The following DNM3 variants were observed in gnomAD, a reference collection of about 807,000 sequenced individuals.
DNM3 encodes dynamin-3.
A neutral mutation model predicts 101.6 loss-of-function variants in DNM3; 47 were observed. The ratio of observed to expected loss-of-function variants is 0.46; its 90% CI spans 0.37 to 0.59. The LOEUF (loss-of-function observed/expected upper bound fraction) is 0.59. DNM3 is among the 20% of genes least tolerant of loss of function. DNM3 has a pLI of 0.00. For synonymous variants in DNM3, 385 were observed against 387.9 expected, an observed-to-expected ratio of 0.99 and a Z score of 0.09; for missense variants, 849 against 1,085.7, an observed-to-expected ratio of 0.78 and a Z score of 3.06.
chr1:172,360,860 A>G (rs1284359866), intron 17 of DNM3, among the ~76,000 whole-genome samples: 2 of 152,024 alleles, frequency 1.3e-5, no homozygotes, highest in African/African-American at 4.8e-5. Context: ...TTTAGGGCAA[A>G]TGAAAGGAAA....
chr1:172,275,671 T>C (rs1398662969), intron 15 of DNM3, among the ~76,000 whole-genome samples: 1 of 148,366 alleles, frequency 6.7e-6, no homozygotes, highest in African/African-American at 2.6e-5. Context: ...GAAACACACA[T>C]AGTGTACTCA....
At chr1:172,224,838 G>A (rs1557841896) in intron 14 of DNM3, among the ~76,000 whole-genome samples, 1 of 152,170 alleles carries the variant, frequency 6.6e-6, no homozygotes, top group Admixed American at 6.5e-5. Flanking sequence ...CTTGGTTAAA[G>A]CAGGGTGCGA....
chr1:172,261,725 G>T (rs1018750532), intron 15 of DNM3, among the ~76,000 whole-genome samples: 6 of 152,244 alleles, frequency 3.9e-5, no homozygotes, highest in Non-Finnish European at 8.8e-5. Context: ...GTGGCTGCAA[G>T]AGGTTGGGTG....
intron 17 of DNM3, among the ~76,000 whole-genome samples, chr1:172,337,876 A>AT (rs1220343304): frequency 7.8e-5 from 7 of 89,586 alleles, no homozygotes; most frequent in African/African-American, 5.6e-4. Context: ...TTTTTATTTT[A>AT]TTTTATTTTA....
At chr1:171,915,528 T>C (rs1015146802) in intron 1 of DNM3, among the ~76,000 whole-genome samples, 1 of 152,196 alleles carries the variant, frequency 6.6e-6, no homozygotes, top group Non-Finnish European at 1.5e-5. Flanking sequence ...GGAGGATGGA[T>C]GATTCCCAGG....
At chr1:172,066,876 T>C (rs898108426) in intron 10 of DNM3, among the ~76,000 whole-genome samples, 2 of 152,186 alleles carry the variant, frequency 1.3e-5, no homozygotes, top group African/African-American at 4.8e-5. Flanking sequence ...ACTAATGCTG[T>C]GATGAATGTC....
At chr1:172,083,255 C>T (rs2053287237) in intron 12 of DNM3, among the ~76,000 whole-genome samples, 1 of 152,008 alleles carries the variant, frequency 6.6e-6, no homozygotes, top group South Asian at 2.1e-4. Flanking sequence ...GTGCCAAGCT[C>T]TACTCTAGTT....
downstream of DNM3, chr1:172,415,434 C>G (rs1686694622): frequency 6.6e-6 from 1 of 151,982 alleles, no homozygotes; most frequent in African/African-American, 2.4e-5. Flanking sequence ...TCTTTCCTCC[C>G]TTTCCCAAGC....
intron 14 of DNM3, chr1:172,133,155 G>A: frequency 2.2e-6 from 3 of 1,348,346 alleles, no homozygotes; most frequent in Non-Finnish European, 2.8e-6. Flanking sequence ...AGCTACTGCT[G>A]TTGGAGTGTG....
intron 1 of DNM3, among the ~76,000 whole-genome samples, chr1:171,844,872 C>T (rs928631320): frequency 7.2e-5 from 11 of 152,184 alleles, no homozygotes; most frequent in East Asian, 5.8e-4. Flanking sequence ...TTTCATTATA[C>T]GTATACATAT....
At chr1:172,160,738 A>C (rs140069549) in intron 14 of DNM3, among the ~76,000 whole-genome samples, 10 of 152,230 alleles carry the variant, frequency 6.6e-5, no homozygotes, top group African/African-American at 2.4e-4. Context: ...GTAAATATAC[A>C]ATTCAATAGC....
intron 1 of DNM3, among the ~76,000 whole-genome samples, chr1:171,842,097 G>A (rs911342519): frequency 3.3e-5 from 5 of 152,110 alleles, no homozygotes; most frequent in Non-Finnish European, 7.4e-5. Context: ...TCCTCCAGTC[G>A]GGGAGTCGGG....
At position 171,997,573 on chromosome 1, in the gene DNM3, C is replaced by G. The variant is rs547429322; in HGVS notation, c.589+8425C>G. On this transcript the variant is annotated intron_variant, in intron 4 of 20. Coordinates refer to ENST00000627582, the MANE Select transcript of DNM3 (RefSeq NM_015569.5). ...TTTGTTTATTTATTTATTGGCACCC[C>G]AGATGGGACAGGAACCATTCAGCTA... Among the ~76,000 whole-genome samples the G allele has an allele frequency of 2.2e-4, 33 of 152,248 alleles. No individual in the cohort carries two copies. In the South Asian group the frequency reaches 6.8e-3, roughly 32 times the overall value.
chr1:172,107,085 C>T (rs921705715), intron 13 of DNM3, among the ~76,000 whole-genome samples: 5 of 151,024 alleles, frequency 3.3e-5, no homozygotes, highest in African/African-American at 1.2e-4. Flanking sequence ...TGGTCTCGAT[C>T]TCCTGACCTC....
chr1:172,299,851 A>G (rs904762660), intron 15 of DNM3, among the ~76,000 whole-genome samples: 6 of 152,206 alleles, frequency 3.9e-5, no homozygotes, highest in African/African-American at 1.2e-4. Flanking sequence ...ACATACAGGC[A>G]CATGTGTGTT....
chr1:172,156,867 C>T (rs1226949081), intron 14 of DNM3, among the ~76,000 whole-genome samples: 11 of 152,040 alleles, frequency 7.2e-5, no homozygotes, highest in Non-Finnish European at 1.5e-4. Flanking sequence ...AACACTGCCA[C>T]TTGCTAGTTA....
chr1:171,945,061 G>T lies in DNM3; in HGVS notation c.235+23240G>T, dbSNP rs183207075. Among the ~76,000 whole-genome samples the T allele has an allele frequency of 9.2e-5, 14 of 151,414 alleles. No homozygotes were observed. In the East Asian group the frequency reaches 2.7e-3, roughly 29 times the overall value. The stretch of plus-strand genomic sequence containing the variant: ...TTTTAAAAATTATTATTTGTGAAGG[G>T]ACCTCGCTGTGTTGCCCAGGCTGGT... On this transcript the variant is annotated intron_variant, in intron 2 of 20. Transcript: ENST00000627582.
intron 14 of DNM3, among the ~76,000 whole-genome samples, chr1:172,226,584 T>G (rs2061131152): frequency 6.6e-6 from 1 of 152,346 alleles, no homozygotes; most frequent in South Asian, 2.1e-4. Flanking sequence ...TAAGTCGCTC[T>G]GTGCCCTACT....
At chr1:172,066,016 A>G (rs1210019291) in intron 10 of DNM3, among the ~76,000 whole-genome samples, 2 of 152,176 alleles carry the variant, frequency 1.3e-5, no homozygotes, top group Non-Finnish European at 2.9e-5. Context: ...TGTGCATGCT[A>G]TAAAGGTAAT....
Sources: allele counts gnomAD v4.1 joint callset (sites outside exome capture counted in the v4.1 genomes callset), GRCh38; gene constraint gnomAD v4.1.1; transcripts MANE v1.5; gene names NCBI Gene and HGNC (gene_info 2026-07-23, HGNC 2026-07-21).